Variants in LINGO2 observed in about 807,000 individuals in gnomAD.
LINGO2 encodes leucine-rich repeat and immunoglobulin-like domain-containing nogo receptor-interacting protein 2.
Under a neutral mutation model 30.6 loss-of-function variants are expected in LINGO2, and 14 were observed. The ratio of observed to expected loss-of-function variants is 0.46; its 90% CI spans 0.30 to 0.72. The LOEUF is 0.72. Among genes scored for constraint, LINGO2 ranks in the 30% least tolerant of loss-of-function variants. The pLI, the probability that LINGO2 is intolerant of heterozygous loss-of-function variation, is 0.07. For missense variants in LINGO2, 729 were observed against 751.7 expected (o/e 0.97, Z 0.35); for synonymous variants, 317 against 288.5 (o/e 1.10, Z -1.00).
chr9:28,692,561 T>C, the LINGO2 span, among the ~76,000 whole-genome samples: 1 of 152,208 alleles, frequency 6.6e-6, no homozygotes, highest in Non-Finnish European at 1.5e-5. Context: ...AGACCTTTCC[T>C]TTCTATCCAA....
At chr9:28,137,890 G>A (rs1827562898) in intron 4 of LINGO2, among the ~76,000 whole-genome samples, 1 of 152,116 alleles carries the variant, frequency 6.6e-6, no homozygotes, top group Non-Finnish European at 1.5e-5. Flanking sequence ...GTTTATGTGA[G>A]AATATTTTTG....
chr9:28,003,973 T>G (rs1245983041), intron 5 of LINGO2, among the ~76,000 whole-genome samples: 1 of 152,206 alleles, frequency 6.6e-6, no homozygotes, highest in Non-Finnish European at 1.5e-5. Flanking sequence ...TTTTTTTAAC[T>G]AGCCATTTGA....
chr9:27,965,523 A>G (rs141892087), intron 5 of LINGO2, among the ~76,000 whole-genome samples: 2 of 152,004 alleles, frequency 1.3e-5, no homozygotes, highest in African/African-American at 4.8e-5. Context: ...GACTGTATCT[A>G]TCTGAAAACA....
chr9:28,227,070 C>T (rs934952500), intron 4 of LINGO2, among the ~76,000 whole-genome samples: 4 of 152,062 alleles, frequency 2.6e-5, no homozygotes, highest in African/African-American at 9.7e-5. Context: ...ATGAAATAAT[C>T]GATCTAAAGA....
At chr9:28,696,760 T>TA in the LINGO2 span, among the ~76,000 whole-genome samples, 1 of 151,888 alleles carries the variant, frequency 6.6e-6, no homozygotes, top group African/African-American at 2.4e-5. Context: ...ACATGGGTAG[T>TA]AGGAAGCCAG....
the LINGO2 span, among the ~76,000 whole-genome samples, chr9:28,832,791 A>G: frequency 6.6e-6 from 1 of 152,318 alleles, no homozygotes; most frequent in South Asian, 2.1e-4. Flanking sequence ...AGAGAACTCT[A>G]CATAGTCAAA....
intron 5 of LINGO2, among the ~76,000 whole-genome samples, chr9:28,003,376 TAG>T (rs756321204): frequency 2.3e-3 from 313 of 137,786 alleles, no homozygotes; most frequent in East Asian, 8.5e-3. Context: ...GATAGATAGA[TAG>T]ATAGATATAG....
chr9:28,122,935 C>G (rs1038969728), intron 4 of LINGO2, among the ~76,000 whole-genome samples: 1 of 152,158 alleles, frequency 6.6e-6, no homozygotes. Context: ...TTACAAATGG[C>G]CAATTTGTCA....
chr9:29,045,017 T>C, the LINGO2 span, among the ~76,000 whole-genome samples: 1 of 152,260 alleles, frequency 6.6e-6, no homozygotes, highest in African/African-American at 2.4e-5. Flanking sequence ...CTTCTTCTTG[T>C]GATGATGTCA....
chr9:28,826,111 T>C, the LINGO2 span, among the ~76,000 whole-genome samples: 2 of 152,118 alleles, frequency 1.3e-5, no homozygotes, highest in African/African-American at 2.4e-5. Context: ...AAATGGGTAT[T>C]GAACTGTAAG....
At chr9:29,024,896 A>G in the LINGO2 span, among the ~76,000 whole-genome samples, 67,525 of 151,938 alleles carry the variant, frequency 0.44, 15,206 homozygotes, top group East Asian at 0.54. Context: ...CTAACACTTT[A>G]TTGCTGCCTT....
the LINGO2 span, among the ~76,000 whole-genome samples, chr9:28,704,840 T>G: frequency 6.6e-6 from 1 of 152,202 alleles, no homozygotes; most frequent in African/African-American, 2.4e-5. Flanking sequence ...GCCCTTAGCA[T>G]GTTATTCAAA....
intron 4 of LINGO2, among the ~76,000 whole-genome samples, chr9:28,272,635 C>T (rs1822981087): frequency 6.6e-6 from 1 of 151,818 alleles, no homozygotes. Context: ...GCCTTTCTTC[C>T]TTTTTTAATT....
At chr9:28,640,227 G>T (rs530182877) in intron 1 of LINGO2, among the ~76,000 whole-genome samples, 2 of 152,014 alleles carry the variant, frequency 1.3e-5, no homozygotes, top group Non-Finnish European at 2.9e-5. Context: ...TGGGTAACCC[G>T]ACCTTTCTCT....
intron 4 of LINGO2, among the ~76,000 whole-genome samples, chr9:28,074,103 G>A (rs1047743890): frequency 2.6e-5 from 4 of 152,086 alleles, no homozygotes; most frequent in Admixed American, 6.6e-5. Flanking sequence ...TTGTCTAGCC[G>A]TGGCACCAGG....
At chr9:27,962,173 C>T (rs2118594910) in intron 5 of LINGO2, among the ~76,000 whole-genome samples, 1 of 152,218 alleles carries the variant, frequency 6.6e-6, no homozygotes, top group African/African-American at 2.4e-5. Context: ...CTTTCCAGTT[C>T]GTTTTTGAAT....
At chr9:28,278,155 T>G (rs1329414344) in intron 4 of LINGO2, among the ~76,000 whole-genome samples, 1 of 152,104 alleles carries the variant, frequency 6.6e-6, no homozygotes, top group Non-Finnish European at 1.5e-5. Flanking sequence ...TCTATCAAGG[T>G]AAGAAAGCTG....
chr9:27,992,636 A>T (rs550430207), intron 5 of LINGO2, among the ~76,000 whole-genome samples: 3 of 152,274 alleles, frequency 2.0e-5, no homozygotes, highest in Middle Eastern at 3.4e-3. Context: ...AAATAAAATT[A>T]TATCAATACT....
the LINGO2 span, among the ~76,000 whole-genome samples, chr9:29,165,660 A>C: frequency 6.6e-6 from 1 of 152,256 alleles, no homozygotes; most frequent in Admixed American, 6.5e-5. Flanking sequence ...GGAGAAAAAA[A>C]ATCCTTTGTA....
Sources: allele counts gnomAD v4.1 joint callset (sites outside exome capture counted in the v4.1 genomes callset), GRCh38; gene constraint gnomAD v4.1.1; transcripts MANE v1.5; gene names NCBI Gene and HGNC (gene_info 2026-07-23, HGNC 2026-07-21).